The following PPP6R3 variants were observed in gnomAD, a reference collection of about 807,000 sequenced individuals.
The protein encoded by PPP6R3 is protein phosphatase 6 regulatory subunit 3, also known as serine/threonine-protein phosphatase 6 regulatory subunit 3.
In PPP6R3, 38 loss-of-function variants were observed where a neutral mutation model predicts 110.7. The observed-to-expected ratio is 0.34, with a 90% CI of 0.26 to 0.45. The LOEUF (loss-of-function observed/expected upper bound fraction) is 0.45. Among genes scored for constraint, PPP6R3 ranks in the 20% least tolerant of loss-of-function variants. The pLI is 1.00. For synonymous variants in PPP6R3, 369 were observed against 373.5 expected (o/e 0.99, Z 0.14); for missense variants, 870 against 1,062.4 (o/e 0.82, Z 2.52).
chr11:68,600,324 T>C lies in PPP6R3; in HGVS notation c.2039-17T>C. Reference sequence around the variant, plus strand: ...GACTGAAGTGTTTTCCAAATAGAATTTCTCCCCTCTTTTTAGCACCCAACT... The same window carrying C: ...GACTGAAGTGTTTTCCAAATAGAATCTCTCCCCTCTTTTTAGCACCCAACT... On this transcript the variant is annotated splice_polypyrimidine_tract_variant and intron_variant, in intron 19 of 23. Coordinates refer to ENST00000393800, the MANE Select transcript of PPP6R3 (RefSeq NM_001164161.2). 1.2e-6 allele frequency: 2 copies of C among 1,610,486 alleles called. No individual in the cohort carries two copies. Among genetic ancestry groups the C allele is most frequent in the Non-Finnish European group, 1.7e-6 (2 of 1,176,922 alleles).
At chr11:68,558,451 A>T in intron 7 of PPP6R3, 115 bp from the exon 8 acceptor site, 2 of 628,826 alleles carry the variant, frequency 3.2e-6, no homozygotes, top group Non-Finnish European at 5.5e-6. Flanking sequence ...TAGTAAAACA[A>T]ATATGCCCAA....
At chr11:68,521,695 G>A (rs2099164958) in intron 2 of PPP6R3, among the ~76,000 whole-genome samples, 1 of 152,142 alleles carries the variant, frequency 6.6e-6, no homozygotes, top group African/African-American at 2.4e-5. Context: ...AGGTTTTGCG[G>A]GCCAAGAGGC....
At chr11:68,596,772 G>C (rs1210581849) in intron 19 of PPP6R3, among the ~76,000 whole-genome samples, 1 of 152,156 alleles carries the variant, frequency 6.6e-6, no homozygotes, top group East Asian at 1.9e-4. Flanking sequence ...AACTTCTAAA[G>C]GTTTGGGAAA....
At chr11:68,468,066 G>A (rs1305772778) in intron 1 of PPP6R3, among the ~76,000 whole-genome samples, 1 of 152,114 alleles carries the variant, frequency 6.6e-6, no homozygotes, top group South Asian at 2.1e-4. Context: ...GAGCCACCAC[G>A]CCCAGCGCAT....
rs1282388133 is a variant in PPP6R3, at chr11:68,537,760, T to C, written c.96T>C (p.Asp32=). The C allele has an allele frequency of 6.2e-7, 1 of 1,612,516 alleles. No individual in the cohort carries two copies. Among genetic ancestry groups the C allele is most frequent in the East Asian group, 2.2e-5 (1 of 44,854 alleles). The part of the protein sequence containing the change: ...VTLKELMDEE[D]VLQECKAQNR... The stretch of plus-strand genomic sequence containing the variant: ...TGAAGGAGTTAATGGATGAGGAAGA[T>C]GTTTTACAGGAATGTAAAGCTCAGA... The change falls in exon 3 of 24, where the codon GAT becomes GAC. Residue 32 remains aspartate (D), a synonymous_variant. Coordinates refer to ENST00000393800, the MANE Select transcript of PPP6R3 (RefSeq NM_001164161.2).
At chr11:68,590,882 G>A (rs1163951774) in intron 17 of PPP6R3, among the ~76,000 whole-genome samples, 168 bp downstream of exon 17, 1 of 152,142 alleles carries the variant, frequency 6.6e-6, no homozygotes, top group African/African-American at 2.4e-5. Flanking sequence ...CCGTGGGCAT[G>A]TGATTTTTGC....
chr11:68,599,430 G>GT (rs1555200391), intron 19 of PPP6R3, among the ~76,000 whole-genome samples: 1 of 152,230 alleles, frequency 6.6e-6, no homozygotes, highest in Non-Finnish European at 1.5e-5. Flanking sequence ...CCCACAGACC[G>GT]TAAGTGTGCT....
At chr11:68,504,750 C>G (rs892208542) in intron 1 of PPP6R3, among the ~76,000 whole-genome samples, 1 of 152,158 alleles carries the variant, frequency 6.6e-6, no homozygotes, top group African/African-American at 2.4e-5. Context: ...AAGAACAGTC[C>G]AAACCTTTGT....
chr11:68,542,389 G>GTTTTTTTTTTTTGTTTT (rs2099322111), intron 3 of PPP6R3, among the ~76,000 whole-genome samples: 8 of 40,186 alleles, frequency 2.0e-4, no homozygotes, highest in Non-Finnish European at 2.5e-4. Flanking sequence ...AGAAGCTGCT[G>GTTTTTTTTTTTTGTTTT]TTTTTTTTTT....
intron 13 of PPP6R3, 38 bp from the exon 14 acceptor site, chr11:68,575,920 T>G: frequency 6.9e-7 from 1 of 1,456,648 alleles, no homozygotes. Flanking sequence ...TGGAGGTCAT[T>G]GTGGTGATAA....
chr11:68,570,690 A>G (rs1270573909), intron 11 of PPP6R3, among the ~76,000 whole-genome samples: 6 of 152,256 alleles, frequency 3.9e-5, no homozygotes, highest in Non-Finnish European at 7.3e-5. Flanking sequence ...TTGCCAAGGC[A>G]TAGTTTTCTT....
Position 68,603,344 on chromosome 11 carries a change from G to T in PPP6R3, c.2302G>T (p.Ala768Ser), listed in dbSNP as rs1419315086. The T allele has an allele frequency of 3.1e-6, 5 of 1,613,592 alleles. No homozygotes were observed. The highest frequency in any genetic ancestry group is 4.2e-6 in the Non-Finnish European group (5 of 1,179,940). The change falls in exon 22 of 24, where the codon GCA becomes TCA. Residue 768 changes from alanine (A) to serine (S), a missense_variant and splice_region_variant. Ala to Ser is a moderately conservative substitution (Grantham distance 99, BLOSUM62 1). Coordinates refer to ENST00000393800, the MANE Select transcript of PPP6R3 (RefSeq NM_001164161.2). ...AAALAVQPEAAGSVAMEASSD... is the reference protein window; with the variant it reads ...AAALAVQPEASGSVAMEASSD... ...ACCATCAGCTGTGTTCTTTTCAGCGGCAGGCAGTGTGGCCATGGAAGCCAG... is the reference window on the plus strand; with the variant it reads ...ACCATCAGCTGTGTTCTTTTCAGCGTCAGGCAGTGTGGCCATGGAAGCCAG...
At position 68,614,606 on chromosome 11, in the gene PPP6R3, T is replaced by G; in HGVS notation, c.*1489T>G. 2 of 1,476,832 alleles carry G rather than the reference T, an allele frequency of 1.4e-6. No homozygotes were observed. The highest frequency in any genetic ancestry group is 1.8e-6 in the Non-Finnish European group (2 of 1,105,210). 91.5% of individuals were successfully genotyped at this position (1,476,832 alleles called of 1,614,324 possible). A position where few individuals can be genotyped will look rare whatever the true frequency, so the allele number is the denominator to read the frequency against. On this transcript the variant is annotated 3_prime_UTR_variant, in exon 24 of 24. Transcript: ENST00000393800. ...GAATCAAACGTCTAATGCCTTATTA[T>G]TTCTGATTTCCTTTTTCATTTTAAG...
Position 68,600,424 on chromosome 11 carries a change from A to T in PPP6R3, c.2122A>T (p.Ser708Cys). The T allele has an allele frequency of 6.2e-7, 1 of 1,614,174 alleles. No homozygotes were observed. The highest frequency in any genetic ancestry group is 1.1e-5 in the South Asian group (1 of 91,080). The change falls in exon 20 of 24, where the codon AGC becomes TGC. Residue 708 changes from serine to cysteine, a missense_variant. Transcript: ENST00000393800. ...GGATTCTGTGGGATCTGATGTCTGG[A>T]GCACAGAGGAGCCGATGCCAACTAA... ...PLDSVGSDVW[S>C]TEEPMPTKET...
chr11:68,597,236 C>T (rs2099616506), intron 19 of PPP6R3, among the ~76,000 whole-genome samples: 1 of 152,160 alleles, frequency 6.6e-6, no homozygotes, highest in East Asian at 1.9e-4. Context: ...AGAGGGGAGC[C>T]TTCCATTAGG....
At chr11:68,515,430 G>A (rs576101368) in intron 1 of PPP6R3, among the ~76,000 whole-genome samples, 1 of 152,366 alleles carries the variant, frequency 6.6e-6, no homozygotes, top group South Asian at 2.1e-4. Flanking sequence ...GAGGGGTGAG[G>A]CGGTAGGGGG....
chr11:68,598,871 A>G (rs1383298294), intron 19 of PPP6R3, among the ~76,000 whole-genome samples: 1 of 152,202 alleles, frequency 6.6e-6, no homozygotes, highest in Non-Finnish European at 1.5e-5. Flanking sequence ...CAAACATTCA[A>G]GCATTTATTC....
In PPP6R3 at chr11:68,563,498, G is replaced by T. The variant is rs191632305; in HGVS notation, c.846-805G>T. 5.2e-3 allele frequency among the ~76,000 whole-genome samples: 792 copies of T among 152,284 alleles called. 4 individuals are homozygous for T. Among genetic ancestry groups the T allele is most frequent in the Non-Finnish European group, 8.9e-3 (605 of 68,030 alleles). On this transcript the variant is annotated intron_variant, in intron 8 of 23. Coordinates refer to ENST00000393800, the MANE Select transcript of PPP6R3 (RefSeq NM_001164161.2). ...ATCTTTAATTAATTTCATCTTCAGA[G>T]ATCTTTTTTCCAAAGAAGGTGACAT...
rs1474503967 is a variant in PPP6R3 at position 68,573,112 on chromosome 11, TTTTATATATATATATATATATA to T, written c.1344-995_1344-974del. The stretch of plus-strand genomic sequence containing the variant: ...AATCAGATTAATATGAGTTTACTTA[TTTTATATATATATATATATATA>T]TATATATATATATATATATAATTTT... On this transcript the variant is annotated intron_variant, in intron 12 of 23. Coordinates refer to ENST00000393800, the MANE Select transcript of PPP6R3 (RefSeq NM_001164161.2). Among the ~76,000 whole-genome samples the T allele has an allele frequency of 5.3e-4, 20 of 38,078 alleles. 1 individual carries two copies. Among genetic ancestry groups the T allele is most frequent in the African/African-American group, 1.8e-3 (18 of 9,740 alleles). The allele number at this position is 38,078 out of a possible 152,430, so 25.0% of individuals were successfully genotyped here.
Sources: gnomAD v4.1 joint callset for allele counts (sites outside exome capture counted in the v4.1 genomes callset) on GRCh38, gnomAD v4.1.1 for gene constraint, MANE v1.5 for transcripts, NCBI Gene and HGNC (gene_info 2026-07-23, HGNC 2026-07-21) for gene names.